FGF14: variants seen among roughly 807,000 people sequenced by gnomAD.
FGF14 encodes the protein fibroblast growth factor homologous factor 4.
FGF14 carries 5 observed loss-of-function variants against 25.5 expected under a neutral mutation model. That is an observed-to-expected ratio of 0.20 (90% confidence interval 0.10 to 0.41). The LOEUF (loss-of-function observed/expected upper bound fraction) is 0.41. Ranked by LOEUF, FGF14 falls within the 10% of genes least tolerant of loss-of-function variation. The probability of loss-of-function intolerance (pLI) is 1.00; values close to 1 mark genes in which losing one functional copy is unlikely to be tolerated. For synonymous variants in FGF14, 138 were observed against 118.3 expected (o/e 1.17, Z -1.08); for missense variants, 222 against 320.1 (o/e 0.69, Z 2.34).
At chr13:101,862,128 CACGTAG>C (rs1250887268) in intron 3 of FGF14, among the ~76,000 whole-genome samples, 2 of 152,006 alleles carry the variant, frequency 1.3e-5, no homozygotes, top group Non-Finnish European at 2.9e-5. Context: ...TTTTCTACAC[CACGTAG>C]AAAGTTAGAA....
intron 3 of FGF14, among the ~76,000 whole-genome samples, chr13:101,800,184 T>C (rs892427538): frequency 6.6e-6 from 1 of 152,144 alleles, no homozygotes; most frequent in Non-Finnish European, 1.5e-5. Context: ...GAAAATTTAT[T>C]TCACTTTCCT....
chr13:101,788,909 TAGAGAGAGAG>T (rs781347440), intron 3 of FGF14, among the ~76,000 whole-genome samples: 102 of 31,180 alleles, frequency 3.3e-3, no homozygotes, highest in East Asian at 9.8e-3. Flanking sequence ...TATATATATA[TAGAGAGAGAG>T]AGAGAGAGAG....
At chr13:101,952,498 T>C (rs957204092) in intron 1 of FGF14, among the ~76,000 whole-genome samples, 4 of 152,056 alleles carry the variant, frequency 2.6e-5, no homozygotes, top group Non-Finnish European at 5.9e-5. Flanking sequence ...GTTTGTTGCA[T>C]AAGAATAATA....
At position 102,241,464 on chromosome 13, in the gene FGF14, C is replaced by G. The variant is rs140731431; in HGVS notation, c.208+160007G>C. On this transcript the variant is annotated intron_variant, in intron 1 of 4. Coordinates refer to the FGF14 transcript ENST00000376131. ...CTGTTCTTTCCCCATCGTAAAAAGA[C>G]TCTTTAGAAGAAACAGCAATAAAGT... Among the ~76,000 whole-genome samples the G allele has an allele frequency of 8.5e-5, 13 of 152,206 alleles. No homozygotes were observed. In the South Asian group the frequency reaches 1.5e-3, roughly 17 times the overall value.
At chr13:102,194,831 T>C (rs1594358429) in intron 1 of FGF14, among the ~76,000 whole-genome samples, 3 of 152,132 alleles carry the variant, frequency 2.0e-5, no homozygotes, top group Admixed American at 6.5e-5. Flanking sequence ...TTGTCAACAG[T>C]AAAAGATAAA....
intron 1 of FGF14, chr13:102,292,590 T>C (rs1247258096): frequency 3.3e-5 from 5 of 152,208 alleles, no homozygotes; most frequent in Non-Finnish European, 7.3e-5. Context: ...GGGTTTTGGG[T>C]AAGCCTTTGC....
intron 1 of FGF14, among the ~76,000 whole-genome samples, chr13:102,125,002 C>G (rs2045893053): frequency 6.6e-6 from 1 of 152,118 alleles, no homozygotes; most frequent in Non-Finnish European, 1.5e-5. Flanking sequence ...GTTCAGCAAA[C>G]TACATGGAAT....
At chr13:102,082,648 G>C (rs2043680912) in intron 1 of FGF14, among the ~76,000 whole-genome samples, 1 of 152,158 alleles carries the variant, frequency 6.6e-6, no homozygotes, top group Non-Finnish European at 1.5e-5. Context: ...TCAAATTAAT[G>C]GGTCATCTCT....
intron 1 of FGF14, among the ~76,000 whole-genome samples, chr13:102,110,063 T>C (rs775175324): frequency 3.9e-5 from 6 of 152,230 alleles, no homozygotes; most frequent in Admixed American, 6.5e-5. Flanking sequence ...ACTTGAACTG[T>C]TGTTTTTCTG....
At chr13:102,116,958 G>T (rs191030496) in intron 1 of FGF14, among the ~76,000 whole-genome samples, 129 of 152,270 alleles carry the variant, frequency 8.5e-4, no homozygotes, top group African/African-American at 2.8e-3. Context: ...GGCCTTCGCT[G>T]CAGAATGCAG....
At chr13:102,120,058 C>T (rs1475157148) in intron 1 of FGF14, among the ~76,000 whole-genome samples, 1 of 152,146 alleles carries the variant, frequency 6.6e-6, no homozygotes, top group Non-Finnish European at 1.5e-5. Context: ...CCTCAGAGCT[C>T]TTGATGCCTC....
intron 3 of FGF14, among the ~76,000 whole-genome samples, chr13:101,752,573 A>G (rs1182527288): frequency 2.6e-5 from 4 of 152,166 alleles, no homozygotes; most frequent in Non-Finnish European, 4.4e-5. Flanking sequence ...CAACAAGGGA[A>G]TTGTAGCTGA....
chr13:102,363,298 C>G (rs2057618922), intron 1 of FGF14, among the ~76,000 whole-genome samples: 1 of 152,134 alleles, frequency 6.6e-6, no homozygotes, highest in South Asian at 2.1e-4. Context: ...AAAACATACT[C>G]TTATTCACTG....
intron 1 of FGF14, among the ~76,000 whole-genome samples, chr13:102,234,823 T>C (rs572301277): frequency 1.3e-5 from 2 of 152,342 alleles, no homozygotes; most frequent in African/African-American, 4.8e-5. Context: ...AGTTATGACA[T>C]TGGAACCTGG....
chr13:101,714,530 C>T lies in FGF14; in HGVS notation c.*8301G>A, dbSNP rs2034627241. 1 of 1,602,856 alleles carries T rather than the reference C, an allele frequency of 6.2e-7. No homozygotes were observed. The highest frequency in any genetic ancestry group is 1.3e-5 in the African/African-American group (1 of 74,782). ...CTGTGATGACAGAGACTGCGACAAA[C>T]ATGATGGTCTCATTTGTACAGGTGC... On this transcript the variant is annotated 3_prime_UTR_variant, in exon 5 of 5. Transcript: ENST00000376143.
At chr13:101,830,211 T>C (rs1218447276) in intron 3 of FGF14, among the ~76,000 whole-genome samples, 2 of 152,032 alleles carry the variant, frequency 1.3e-5, no homozygotes, top group Non-Finnish European at 2.9e-5. Flanking sequence ...GTAGCAACCA[T>C]TTGATTTTTT....
At chr13:102,261,095 G>C (rs2052695283) in intron 1 of FGF14, among the ~76,000 whole-genome samples, 1 of 152,282 alleles carries the variant, frequency 6.6e-6, no homozygotes, top group South Asian at 2.1e-4. Flanking sequence ...TTTTATTTTA[G>C]ATCAGTGTCT....
intron 1 of FGF14, among the ~76,000 whole-genome samples, chr13:101,899,568 T>C (rs1229026540): frequency 2.6e-5 from 4 of 151,500 alleles, no homozygotes; most frequent in East Asian, 1.9e-4. Context: ...GCAAAGAACA[T>C]AAAAAATGTA....
chr13:102,138,912 T>C (rs538250860), intron 1 of FGF14, among the ~76,000 whole-genome samples: 26 of 152,234 alleles, frequency 1.7e-4, no homozygotes, highest in Non-Finnish European at 2.8e-4. Context: ...ATAATTGCTT[T>C]GGGATCTATG....
Sources: gnomAD v4.1 joint callset for allele counts (sites outside exome capture counted in the v4.1 genomes callset) on GRCh38, gnomAD v4.1.1 for gene constraint, MANE v1.5 for transcripts, NCBI Gene and HGNC (gene_info 2026-07-23, HGNC 2026-07-21) for gene names.